The following POLR2F variants were observed in gnomAD, a reference collection of about 807,000 sequenced individuals.
POLR2F encodes the protein DNA-directed RNA polymerases I, II, and III subunit RPABC2.
A neutral mutation model predicts 22.7 loss-of-function variants in POLR2F; 12 were observed. That is an observed-to-expected ratio of 0.53 (90% CI 0.34 to 0.86). The LOEUF (loss-of-function observed/expected upper bound fraction) is 0.86. Ranked by LOEUF, POLR2F falls within the 40% of genes least tolerant of loss-of-function variation. The pLI, the probability that POLR2F is intolerant of heterozygous loss-of-function variation, is 0.02. For missense variants in POLR2F, 126 were observed against 171.5 expected (o/e 0.73, Z 1.48); for synonymous variants, 57 against 66.0 (o/e 0.86, Z 0.66).
intron 1 of POLR2F, among the ~76,000 whole-genome samples, chr22:38,004,106 A>T (rs2084799150): frequency 6.6e-6 from 1 of 152,146 alleles, no homozygotes; most frequent in Non-Finnish European, 1.5e-5. Flanking sequence ...CTCCTGCCTC[A>T]GTCTCCAGAG....
chr22:38,017,753 G>A lies in POLR2F; in HGVS notation c.121-8116G>A, dbSNP rs2084927530. Among the ~76,000 whole-genome samples, 1 of 152,200 alleles carries A rather than the reference G, an allele frequency of 6.6e-6. No individual in the cohort carries two copies. Among genetic ancestry groups the A allele is most frequent in the South Asian group, 2.1e-4 (1 of 4,832 alleles). On this transcript the variant is annotated intron_variant, in intron 1 of 2. Transcript: ENST00000333418. The surrounding 1 kb of genome is among the most constrained non-coding windows in gnomAD (Gnocchi z 4.1). The stretch of plus-strand genomic sequence containing the variant: ...GCTGGCACAGCTCCAGTGACATGGA[G>A]CTCACTCCTCACATGGCTTGCTCTG...
intron 1 of POLR2F, among the ~76,000 whole-genome samples, chr22:38,023,679 T>C (rs772738423): frequency 4.6e-5 from 7 of 151,944 alleles, no homozygotes; most frequent in Non-Finnish European, 1.0e-4. Flanking sequence ...ATTTTTGCTT[T>C]TTTTTCTTTT....
intron 1 of POLR2F, among the ~76,000 whole-genome samples, chr22:38,023,839 ATTTTTT>A (rs56162997): frequency 2.7e-4 from 31 of 115,380 alleles, no homozygotes; most frequent in Admixed American, 1.0e-3. Flanking sequence ...CGCCTGGCTA[ATTTTTT>A]TTTTTTTTTT....
intron 1 of POLR2F, among the ~76,000 whole-genome samples, chr22:38,010,604 T>G (rs943654888): frequency 9.2e-5 from 11 of 119,252 alleles, no homozygotes; most frequent in African/African-American, 2.2e-4. Flanking sequence ...TTCCTTGTGT[T>G]TTTTTTTTTT....
intron 1 of POLR2F, among the ~76,000 whole-genome samples, chr22:37,994,863 T>C (rs2084698012): frequency 6.6e-6 from 1 of 152,178 alleles, no homozygotes; most frequent in South Asian, 2.1e-4. Context: ...GCTGGTCTCA[T>C]TGAACTCCTG....
At chr22:37,989,589 T>C (rs192352055) in intron 1 of POLR2F, among the ~76,000 whole-genome samples, 34 of 152,346 alleles carry the variant, frequency 2.2e-4, no homozygotes, top group Admixed American at 2.0e-3. Flanking sequence ...GGCTCAGCTG[T>C]GAGGGCTCCT....
intron 1 of POLR2F, among the ~76,000 whole-genome samples, chr22:37,994,340 G>A (rs2084691217): frequency 6.6e-6 from 1 of 152,094 alleles, no homozygotes; most frequent in Admixed American, 6.6e-5. Flanking sequence ...CTGTGAGCAG[G>A]TGTTATTTTG....
chr22:37,969,318 G>T (rs1931977007), downstream of POLR2F: 2 of 985,380 alleles, frequency 2.0e-6, no homozygotes, highest in South Asian at 9.4e-5. Context: ...CACCACTATT[G>T]GTTCTGTTTT....
intron 1 of POLR2F, among the ~76,000 whole-genome samples, chr22:37,955,726 A>C (rs1323349988): frequency 1.3e-5 from 2 of 152,006 alleles, no homozygotes; most frequent in African/African-American, 4.8e-5. Flanking sequence ...TGTGTCACCC[A>C]GGCTGGAGTG....
intron 2 of POLR2F, 65 bp from the exon 3 acceptor site, chr22:37,959,281 A>G (rs1931527005): frequency 6.5e-7 from 1 of 1,546,690 alleles, no homozygotes; most frequent in Admixed American, 1.8e-5. Flanking sequence ...TGTTGTCATT[A>G]TCACTCTCCC....
chr22:37,974,441 C>T lies in POLR2F; in HGVS notation c.293+7271C>T, dbSNP rs1259839977. On this transcript the variant is annotated intron_variant, in intron 4 of 4. Coordinates refer to the POLR2F transcript ENST00000405557. The surrounding 1 kb of genome is among the most constrained non-coding windows in gnomAD (Gnocchi z 5.4). Reference sequence around the variant, plus strand: ...CATCTCGGCTCACTGCAACCTCTGCCTCCTGGGTTCAAATGATTCTCCTGC... The same window carrying T: ...CATCTCGGCTCACTGCAACCTCTGCTTCCTGGGTTCAAATGATTCTCCTGC... Among the ~76,000 whole-genome samples, 1 of 151,782 alleles carries T rather than the reference C, an allele frequency of 6.6e-6. No homozygotes were observed. The highest frequency in any genetic ancestry group is 1.5e-5 in the Non-Finnish European group (1 of 67,960).
chr22:37,961,215 C>T (rs989232028), intron 3 of POLR2F, among the ~76,000 whole-genome samples: 12 of 152,130 alleles, frequency 7.9e-5, no homozygotes, highest in African/African-American at 2.9e-4. Context: ...GTATGTGCCA[C>T]TATGCCTGGC....
At chr22:38,040,813 C>T in intron 5 of POLR2F, 1 of 540,574 alleles carries the variant, frequency 1.8e-6, no homozygotes, top group East Asian at 3.1e-5. Context: ...GGGAGCATGG[C>T]AGTTTGGGCT....
chr22:37,981,246 G>T (rs967353516), upstream of POLR2F, among the ~76,000 whole-genome samples: 2 of 152,238 alleles, frequency 1.3e-5, no homozygotes, highest in Non-Finnish European at 2.9e-5. Flanking sequence ...GCTTGGGGAG[G>T]TTTCAGGAGA....
At chr22:37,992,507 G>A (rs200803394) in intron 1 of POLR2F, among the ~76,000 whole-genome samples, 4 of 151,888 alleles carry the variant, frequency 2.6e-5, no homozygotes, top group African/African-American at 9.7e-5. Flanking sequence ...CAATTCTCCT[G>A]CCTCAGCCTC....
At chr22:38,033,886 C>T (rs913337593) in intron 5 of POLR2F, among the ~76,000 whole-genome samples, 4 of 152,096 alleles carry the variant, frequency 2.6e-5, no homozygotes, top group Admixed American at 1.3e-4. Flanking sequence ...GGGCACTGGG[C>T]GACTCCTCAT....
At chr22:38,014,507 C>G (rs751348264) in intron 1 of POLR2F, among the ~76,000 whole-genome samples, 1 of 150,886 alleles carries the variant, frequency 6.6e-6, no homozygotes, top group Non-Finnish European at 1.5e-5. Flanking sequence ...CCCACCACCA[C>G]GCCCGGCTAA....
At chr22:37,976,421 G>T (rs1308370697) in intron 4 of POLR2F, among the ~76,000 whole-genome samples, 1 of 152,094 alleles carries the variant, frequency 6.6e-6, no homozygotes, top group Non-Finnish European at 1.5e-5. Flanking sequence ...TAGACTATGG[G>T]CCCCTGAGGC....
Position 37,953,741 on chromosome 22 carries a change from C to A in POLR2F, c.-47C>A. Reference sequence around the variant, plus strand: ...AGTCGTAGTGTCGCTGTTTGCGGGTCTCCGCGCGGGACCGGGGCGCAGCGG... The same window carrying A: ...AGTCGTAGTGTCGCTGTTTGCGGGTATCCGCGCGGGACCGGGGCGCAGCGG... On this transcript the variant is annotated 5_prime_UTR_variant, in exon 1 of 5. Transcript: ENST00000442738. The A allele has an allele frequency of 6.3e-7, 1 of 1,595,414 alleles. No homozygotes were observed.
Sources: allele counts gnomAD v4.1 joint callset (sites outside exome capture counted in the v4.1 genomes callset), GRCh38; gene constraint gnomAD v4.1.1; non-coding constraint Gnocchi (gnomAD v3.1); transcripts MANE v1.5; gene names NCBI Gene and HGNC (gene_info 2026-07-23, HGNC 2026-07-21).